Variants in CCL24 observed in about 807,000 individuals in gnomAD.
The protein encoded by CCL24 is C-C motif chemokine 24.
Under a neutral mutation model 8.6 loss-of-function variants are expected in CCL24, and 6 were observed. The observed-to-expected ratio is 0.70, with a 90% CI of 0.38 to 1.38. The LOEUF (loss-of-function observed/expected upper bound fraction) is 1.38. Among genes scored for constraint, CCL24 ranks in the 40% most tolerant of loss-of-function variants. CCL24 has a pLI of 0.02. For synonymous variants in CCL24, 59 were observed against 52.7 expected, an observed-to-expected ratio of 1.12 and a Z score of -0.52; for missense variants, 126 against 147.1, an observed-to-expected ratio of 0.86 and a Z score of 0.74.
At chr7:75,813,959 T>A (rs1270327007), upstream of CCL24, among the ~76,000 whole-genome samples, 1 of 152,130 alleles carries the variant, frequency 6.6e-6, no homozygotes, top group African/African-American at 2.4e-5. Context: ...AGGGTTATCT[T>A]GGGCTCCGAA....
At chr7:75,818,880 T>C (rs1803952166) in intron 1 of CCL24, among the ~76,000 whole-genome samples, 2 of 152,004 alleles carry the variant, frequency 1.3e-5, no homozygotes, top group African/African-American at 2.4e-5. Context: ...GGAACATTTC[T>C]CATTTTATTT....
Position 75,811,754 on chromosome 7 carries a change from G to A in CCL24, c.*42C>T, listed in dbSNP as rs1803765872. Reference sequence around the variant, plus strand: ...CTCCAGGCCCCGAGTAGCCCGCCAAGCAGCTCAGGCCCAAACTCAGGGCTG... The same window carrying A: ...CTCCAGGCCCCGAGTAGCCCGCCAAACAGCTCAGGCCCAAACTCAGGGCTG... On this transcript the variant is annotated 3_prime_UTR_variant, in exon 3 of 3. Transcript: ENST00000222902. The A allele has an allele frequency of 1.3e-6, 2 of 1,559,146 alleles. No homozygotes were observed. The highest frequency in any genetic ancestry group is 1.7e-6 in the Non-Finnish European group (2 of 1,149,870).
chr7:75,813,956 T>C (rs1803832862), upstream of CCL24: 1 of 423,916 alleles, frequency 2.4e-6, no homozygotes, highest in Non-Finnish European at 4.5e-6. Context: ...TCAAGGGTTA[T>C]CTTGGGCTCC....
chr7:75,814,883 T>C (rs1393178913), upstream of CCL24, among the ~76,000 whole-genome samples: 2 of 151,894 alleles, frequency 1.3e-5, no homozygotes. Flanking sequence ...GGACTTTGCT[T>C]GGCCCCTTCC....
upstream of CCL24, among the ~76,000 whole-genome samples, chr7:75,816,922 T>A (rs534816514): frequency 1.3e-3 from 204 of 151,230 alleles, 1 homozygote; most frequent in African/African-American, 4.8e-3. Context: ...TGGAGTGCAG[T>A]GGTGTGATCA....
At chr7:75,814,666 C>A (rs188956752), upstream of CCL24, among the ~76,000 whole-genome samples, 65 of 151,440 alleles carry the variant, frequency 4.3e-4, no homozygotes, top group African/African-American at 1.5e-3. Flanking sequence ...TCTCGGTGGC[C>A]TTGAAGTCCC....
At chr7:75,821,754 C>T (rs1395831152) in intron 1 of CCL24, among the ~76,000 whole-genome samples, 2 of 152,022 alleles carry the variant, frequency 1.3e-5, no homozygotes, top group African/African-American at 4.8e-5. Flanking sequence ...TGGAGAAACC[C>T]CGTCTCTACT....
upstream of CCL24, among the ~76,000 whole-genome samples, chr7:75,814,587 T>C (rs1803848191): frequency 6.6e-6 from 1 of 150,680 alleles, no homozygotes; most frequent in African/African-American, 2.4e-5. Context: ...AATCAACCAA[T>C]CAATCAATCA....
At chr7:75,820,072 TC>T (rs1335128337) in intron 1 of CCL24, among the ~76,000 whole-genome samples, 1 of 141,128 alleles carries the variant, frequency 7.1e-6, no homozygotes, top group Non-Finnish European at 1.6e-5. Flanking sequence ...TTCTTCTTCT[TC>T]TTCTTCTTCT....
At position 75,813,323 on chromosome 7, in the gene CCL24, G is replaced by T. The variant is rs1360312185; in HGVS notation, c.174C>A (p.Cys58Ter). The T allele has an allele frequency of 5.0e-6, 8 of 1,607,392 alleles. No homozygotes were observed. Among genetic ancestry groups the T allele is most frequent in the Non-Finnish European group, 6.8e-6 (8 of 1,174,328 alleles). The change falls in exon 2 of 3, where the codon TGC (cysteine) becomes TGA (stop). Residue 58 changes from cysteine to a stop codon, truncating the protein, a stop_gained. Coordinates refer to ENST00000222902, the MANE Select transcript of CCL24 (RefSeq NM_002991.3). LOFTEE classifies it high-confidence loss of function. ...VSYQLSSRST[C>*]LKAGVIFTTK... ...ATACCTACATCACTCCTGCCTTGAG[G>T]CATGTGCTCCTGCTGGACAGCTGGT... is the stretch of plus-strand genomic sequence containing the variant.
intron 2 of CCL24, among the ~76,000 whole-genome samples, chr7:75,812,772 A>C (rs1316703934): frequency 6.6e-6 from 1 of 152,076 alleles, no homozygotes; most frequent in Non-Finnish European, 1.5e-5. Flanking sequence ...TCTCCTAAAA[A>C]TACAAAAATT....
intron 1 of CCL24, among the ~76,000 whole-genome samples, chr7:75,823,116 G>A (rs1164061148): frequency 3.9e-5 from 6 of 152,194 alleles, no homozygotes; most frequent in African/African-American, 1.2e-4. Context: ...GCCTCCTAAA[G>A]GAAGCGGGTA....
At chr7:75,816,582 T>A (rs1328125417), upstream of CCL24, among the ~76,000 whole-genome samples, 1 of 151,996 alleles carries the variant, frequency 6.6e-6, no homozygotes, top group Non-Finnish European at 1.5e-5. Flanking sequence ...TTATTTTTGA[T>A]ACGGAGTCTC....
At chr7:75,812,987 C>G (rs1325471645) in intron 2 of CCL24, among the ~76,000 whole-genome samples, 1 of 151,018 alleles carries the variant, frequency 6.6e-6, no homozygotes, top group Non-Finnish European at 1.5e-5. Context: ...GTAATCCTAG[C>G]ACCACTTTGG....
intron 1 of CCL24, among the ~76,000 whole-genome samples, chr7:75,820,109 TCTTCTTCTTCTTCTTCTTCTTCTCCTC>T (rs1804008427): frequency 1.2e-5 from 1 of 81,638 alleles, no homozygotes; most frequent in Non-Finnish European, 2.9e-5. Flanking sequence ...TCTTCTTCCT[TCTTCTTCTTCTTCTTCTTCTTCTCCTC>T]CTCCTCCTCC....
At chr7:75,818,790 C>T (rs1042684401), upstream of CCL24, among the ~76,000 whole-genome samples, 4 of 151,964 alleles carry the variant, frequency 2.6e-5, no homozygotes, top group East Asian at 1.9e-4. Flanking sequence ...CTCTTGGCCT[C>T]GGTTTCTCCA....
At chr7:75,812,929 G>GA (rs1803802822) in intron 2 of CCL24, among the ~76,000 whole-genome samples, 2 of 116,618 alleles carry the variant, frequency 1.7e-5, no homozygotes, top group African/African-American at 3.2e-5. Flanking sequence ...CTGTCTCAGG[G>GA]GAAAAAAAAA....
intron 1 of CCL24, among the ~76,000 whole-genome samples, chr7:75,819,570 C>A (rs115522226): frequency 0.013 from 1,918 of 150,914 alleles, 46 homozygotes; most frequent in African/African-American, 0.045. Context: ...CAAGACTAGC[C>A]TGGGTAACAT....
rs1176085183 is a variant in CCL24 at position 75,811,358 on chromosome 7, A to G, written c.*438T>C. Among the ~76,000 whole-genome samples, 4 of 151,950 alleles carry G rather than the reference A, an allele frequency of 2.6e-5. No individual in the cohort carries two copies. The highest frequency in any genetic ancestry group is 5.9e-5 in the Non-Finnish European group (4 of 67,966). On this transcript the variant is annotated 3_prime_UTR_variant, in exon 3 of 3. Coordinates refer to ENST00000222902, the MANE Select transcript of CCL24 (RefSeq NM_002991.3). ...GTTGGGTGTGGTGGTACACACCTGT[A>G]GTCCCAGGTACTCGGGAGGCTGAGG...
Sources: gnomAD v4.1 joint callset for allele counts (sites outside exome capture counted in the v4.1 genomes callset) on GRCh38, gnomAD v4.1.1 for gene constraint, MANE v1.5 for transcripts, NCBI Gene and HGNC (gene_info 2026-07-23, HGNC 2026-07-21) for gene names.